SLC24A2: variants seen among roughly 807,000 people sequenced by gnomAD.
SLC24A2 encodes sodium/potassium/calcium exchanger 2.
In SLC24A2, 36 loss-of-function variants were observed where a neutral mutation model predicts 62.0. That is an observed-to-expected ratio of 0.58 (90% CI 0.44 to 0.77). The LOEUF (loss-of-function observed/expected upper bound fraction) is 0.77. SLC24A2 is among the 30% of genes least tolerant of loss of function. SLC24A2 has a pLI of 0.00. For missense variants in SLC24A2, 846 were observed against 817.9 expected, an observed-to-expected ratio of 1.03 and a Z score of -0.42; for synonymous variants, 358 against 294.0, an observed-to-expected ratio of 1.22 and a Z score of -2.23.
rs1823195515 is a variant in SLC24A2, at chr9:19,787,001, G to A, written c.-135C>T. 20 of 1,423,744 alleles carry A rather than the reference G, an allele frequency of 1.4e-5. No homozygotes were observed. Among genetic ancestry groups the A allele is most frequent in the Non-Finnish European group, 1.8e-5 (20 of 1,092,154 alleles). 88.2% of individuals were successfully genotyped at this position (1,423,744 alleles called of 1,614,324 possible). On this transcript the variant is annotated 5_prime_UTR_variant, in exon 2 of 11. Transcript: ENST00000341998. ...AATCAGGGATTGTTATGCTTCACAGGAAACTTTCATCATTTATGCTTAAAT... is the reference window on the plus strand; with the variant it reads ...AATCAGGGATTGTTATGCTTCACAGAAAACTTTCATCATTTATGCTTAAAT...
chr9:19,843,561 C>G, the SLC24A2 span, among the ~76,000 whole-genome samples: 3 of 152,020 alleles, frequency 2.0e-5, no homozygotes, highest in East Asian at 5.8e-4. Flanking sequence ...GGTCCATGTG[C>G]ATATTTGTTG....
chr9:19,631,196 A>C (rs1818170364), intron 2 of SLC24A2, among the ~76,000 whole-genome samples: 1 of 152,220 alleles, frequency 6.6e-6, no homozygotes, highest in African/African-American at 2.4e-5. Flanking sequence ...ATAATAAATA[A>C]GTTAAATCAG....
chr9:20,170,405 C>T, the SLC24A2 span, among the ~76,000 whole-genome samples: 4 of 152,102 alleles, frequency 2.6e-5, no homozygotes, highest in South Asian at 2.1e-4. Flanking sequence ...ATCCCTACCT[C>T]GGTGTCCCTC....
At chr9:20,133,617 TTCTAA>T in the SLC24A2 span, among the ~76,000 whole-genome samples, 2 of 152,194 alleles carry the variant, frequency 1.3e-5, no homozygotes, top group African/African-American at 2.4e-5. Context: ...AAGATAATTA[TTCTAA>T]TCTATCTTCT....
At chr9:20,289,846 C>G in the SLC24A2 span, among the ~76,000 whole-genome samples, 1 of 152,194 alleles carries the variant, frequency 6.6e-6, no homozygotes, top group Non-Finnish European at 1.5e-5. Flanking sequence ...AAACTGTGTA[C>G]TGGGTTGGCA....
the SLC24A2 span, among the ~76,000 whole-genome samples, chr9:20,268,209 A>C: frequency 2.0e-5 from 3 of 152,142 alleles, no homozygotes; most frequent in Admixed American, 6.5e-5. Flanking sequence ...TACATTGAAA[A>C]CTGACAATAG....
Position 19,509,109 on chromosome 9 carries a change from C to A in SLC24A2, c.*7044G>T, listed in dbSNP as rs1273050093. On this transcript the variant is annotated 3_prime_UTR_variant, in exon 11 of 11. Transcript: ENST00000341998. ...AAGCTCAAACACATCCTACATTTCC[C>A]AGGTATATGTTTGCTAATTATCTAT... 1 of 152,052 alleles carries A rather than the reference C, an allele frequency of 6.6e-6. No individual in the cohort carries two copies. The highest frequency in any genetic ancestry group is 1.5e-5 in the Non-Finnish European group (1 of 67,998). 9.4% of individuals were successfully genotyped at this position (152,052 alleles called of 1,614,324 possible).
chr9:20,019,311 G>GAAAGAAAGAA, the SLC24A2 span, among the ~76,000 whole-genome samples: 1 of 145,442 alleles, frequency 6.9e-6, no homozygotes, highest in African/African-American at 2.8e-5. Context: ...AAGAAAGAAA[G>GAAAGAAAGAA]AAAGTGAGTG....
In SLC24A2 at chr9:19,751,612, G is replaced by C. The variant is rs373005441; in HGVS notation, c.930+34325C>G. ...AGGAGAGAAACCAAATCATTTTTTG[G>C]GGAAAAAAGGGATGCAGACATGGGG... is the stretch of plus-strand genomic sequence containing the variant. On this transcript the variant is annotated intron_variant, in intron 2 of 10. Transcript: ENST00000341998. 8.5e-4 allele frequency among the ~76,000 whole-genome samples: 130 copies of C among 152,072 alleles called. 2 individuals are homozygous for C. The highest frequency in any genetic ancestry group is 6.8e-3 in the Middle Eastern group (2 of 294).
At chr9:19,934,576 C>T in the SLC24A2 span, among the ~76,000 whole-genome samples, 2 of 152,196 alleles carry the variant, frequency 1.3e-5, no homozygotes, top group Admixed American at 6.5e-5. This position sits in a 1 kb window ranked among gnomAD's most constrained non-coding sequence, Gnocchi z 4.1. Flanking sequence ...GCGCTGCCTG[C>T]CAGGCAGCGT....
At chr9:20,080,308 T>G in the SLC24A2 span, among the ~76,000 whole-genome samples, 2 of 152,162 alleles carry the variant, frequency 1.3e-5, no homozygotes, top group Non-Finnish European at 2.9e-5. Context: ...AACAGAGTGC[T>G]CAGAAATAAT....
intron 4 of SLC24A2, among the ~76,000 whole-genome samples, chr9:19,608,962 C>T (rs1480078625): frequency 6.6e-6 from 1 of 152,218 alleles, no homozygotes; most frequent in Non-Finnish European, 1.5e-5. Flanking sequence ...CCTGAGCCAG[C>T]TGGTTCCTCT....
Position 19,542,157 on chromosome 9 carries a change from AC to A in SLC24A2, c.1479+7979del, listed in dbSNP as rs1276350229. Among the ~76,000 whole-genome samples, 22 of 151,884 alleles carry A rather than the reference AC, an allele frequency of 1.4e-4. 1 individual carries two copies. Among genetic ancestry groups the A allele is most frequent in the African/African-American group, 3.4e-4 (14 of 41,316 alleles). On this transcript the variant is annotated intron_variant, in intron 8 of 10. Coordinates refer to ENST00000341998, the MANE Select transcript of SLC24A2 (RefSeq NM_020344.4). Reference sequence around the variant, plus strand: ...TACCTCAGATGGAAATGCAGAAATCACCCGTCTTCTGCGTCGCTCACGCTGG... The same window carrying A: ...TACCTCAGATGGAAATGCAGAAATCACCGTCTTCTGCGTCGCTCACGCTGG...
chr9:19,623,610 A>C lies in SLC24A2; in HGVS notation c.931-1311T>G, dbSNP rs966150071. Reference sequence around the variant, plus strand: ...AGGATTAGCATGCTCAAAATCTTGCAAAGTGAAAAAATCAAATCTACAATT... The same window carrying C: ...AGGATTAGCATGCTCAAAATCTTGCCAAGTGAAAAAATCAAATCTACAATT... On this transcript the variant is annotated intron_variant, in intron 2 of 10. Transcript: ENST00000341998. Among the ~76,000 whole-genome samples, 5 of 152,242 alleles carry C rather than the reference A, an allele frequency of 3.3e-5. No homozygotes were observed. The South Asian group carries it at 6.2e-4, about 19-fold the overall frequency.
chr9:20,244,067 A>T, the SLC24A2 span, among the ~76,000 whole-genome samples: 1 of 152,176 alleles, frequency 6.6e-6, no homozygotes, highest in African/African-American at 2.4e-5. Flanking sequence ...AGGATGGCTT[A>T]AAGTTAATCC....
chr9:20,080,300 C>G, the SLC24A2 span, among the ~76,000 whole-genome samples: 1 of 152,188 alleles, frequency 6.6e-6, no homozygotes, highest in South Asian at 2.1e-4. Context: ...TGGAACAGAA[C>G]AGAGTGCTCA....
At chr9:19,999,794 C>A in the SLC24A2 span, among the ~76,000 whole-genome samples, 1 of 152,168 alleles carries the variant, frequency 6.6e-6, no homozygotes, top group South Asian at 2.1e-4. Context: ...AGAGTTTCAT[C>A]AGGGGGACCC....
intron 2 of SLC24A2, among the ~76,000 whole-genome samples, chr9:19,707,106 C>T (rs1419179676): frequency 4.0e-5 from 6 of 151,472 alleles, no homozygotes; most frequent in Non-Finnish European, 8.9e-5. Context: ...TACAAACTAC[C>T]ATCAGAGAAT....
chr9:20,060,009 G>C, the SLC24A2 span, among the ~76,000 whole-genome samples: 1 of 152,062 alleles, frequency 6.6e-6, no homozygotes, highest in African/African-American at 2.4e-5. Context: ...AGGACTATAA[G>C]AGAACACTAT....
Sources: gnomAD v4.1 joint callset for allele counts (sites outside exome capture counted in the v4.1 genomes callset) on GRCh38, gnomAD v4.1.1 for gene constraint, Gnocchi (gnomAD v3.1) non-coding constraint, MANE v1.5 for transcripts, NCBI Gene and HGNC (gene_info 2026-07-23, HGNC 2026-07-21) for gene names.